Variants in DCTN4 observed in about 807,000 individuals in gnomAD.
DCTN4 encodes dynactin 4 (p62).
DCTN4 carries 23 observed loss-of-function variants against 62.7 expected under a neutral mutation model. The ratio of observed to expected loss-of-function variants is 0.37; its 90% CI spans 0.26 to 0.52. The LOEUF (loss-of-function observed/expected upper bound fraction) is 0.52. DCTN4 is among the 20% of genes least tolerant of loss of function. The pLI, the probability that DCTN4 is intolerant of heterozygous loss-of-function variation, is 0.92. For missense variants in DCTN4, 514 were observed against 580.4 expected, an observed-to-expected ratio of 0.89 and a Z score of 1.18; for synonymous variants, 199 against 202.1, an observed-to-expected ratio of 0.98 and a Z score of 0.13.
intron 4 of DCTN4, among the ~76,000 whole-genome samples, chr5:150,741,752 G>A (rs1760778340): frequency 6.6e-6 from 1 of 152,210 alleles, no homozygotes; most frequent in South Asian, 2.1e-4. Context: ...AAAGTATTGG[G>A]ATTACAGGCA....
chr5:150,715,548 AC>A lies in DCTN4; in HGVS notation c.1169+16del. 6.2e-7 allele frequency: 1 copy of A among 1,608,524 alleles called. No homozygotes were observed. Among genetic ancestry groups the A allele is most frequent in the Non-Finnish European group, 8.5e-7 (1 of 1,174,998 alleles). ...ATCAGCCATTTGTTGTATGGGGATC[AC>A]AAAAAGATCACTCACTCAGGATCGT... On this transcript the variant is annotated intron_variant, in intron 12 of 12. Transcript: ENST00000447998.
chr5:150,754,608 A>C (rs1165807773), intron 2 of DCTN4, among the ~76,000 whole-genome samples: 1 of 152,194 alleles, frequency 6.6e-6, no homozygotes, highest in Admixed American at 6.5e-5. Flanking sequence ...TTGGTTTCTA[A>C]GACTATTCTC....
intron 4 of DCTN4, among the ~76,000 whole-genome samples, chr5:150,736,741 T>C (rs966082996): frequency 1.3e-5 from 2 of 151,526 alleles, no homozygotes; most frequent in Non-Finnish European, 2.9e-5. Flanking sequence ...ACTAGCACAA[T>C]GAATAGAATA....
chr5:150,723,085 T>C, intron 8 of DCTN4, 105 bp from the exon 9 acceptor site: 1 of 805,656 alleles, frequency 1.2e-6, no homozygotes, highest in East Asian at 2.7e-5. Context: ...AATTTTGTTT[T>C]GTTTTGTTCT....
chr5:150,731,512 T>C (rs1760369148), intron 5 of DCTN4, 23 bp from the exon 6 acceptor site: 2 of 1,600,122 alleles, frequency 1.2e-6, no homozygotes, highest in South Asian at 1.1e-5. Context: ...CAGAAATTCC[T>C]ATTAGAAAGT....
At chr5:150,746,751 A>G (rs1561707450) in intron 3 of DCTN4, among the ~76,000 whole-genome samples, 1 of 152,240 alleles carries the variant, frequency 6.6e-6, no homozygotes, top group African/African-American at 2.4e-5. Context: ...CTTCATGCTA[A>G]AAACTCTCAA....
chr5:150,722,806 T>A (rs989530928), intron 9 of DCTN4, 101 bp downstream of exon 9: 15 of 761,070 alleles, frequency 2.0e-5, no homozygotes, highest in Non-Finnish European at 4.2e-6. Flanking sequence ...TGTAATTTTT[T>A]TTTTTTTAGG....
chr5:150,738,181 A>G (rs1760647091), intron 4 of DCTN4, among the ~76,000 whole-genome samples: 1 of 152,226 alleles, frequency 6.6e-6, no homozygotes, highest in African/African-American at 2.4e-5. Context: ...GCTGATTTCT[A>G]TCAGACATTC....
chr5:150,746,388 A>G (rs1164209263), intron 3 of DCTN4, among the ~76,000 whole-genome samples: 1 of 152,206 alleles, frequency 6.6e-6, no homozygotes, highest in African/African-American at 2.4e-5. Context: ...ATTCCTTCTG[A>G]AACTATTCCA....
chr5:150,743,568 C>A (rs952764008), intron 3 of DCTN4, among the ~76,000 whole-genome samples: 3 of 152,290 alleles, frequency 2.0e-5, no homozygotes, highest in Admixed American at 6.5e-5. Context: ...GGCAGACTGA[C>A]ACCTCACACG....
At chr5:150,723,473 C>T (rs1760026842) in intron 8 of DCTN4, among the ~76,000 whole-genome samples, 2 of 152,110 alleles carry the variant, frequency 1.3e-5, no homozygotes, top group Non-Finnish European at 2.9e-5. Flanking sequence ...AGTACAGTAA[C>T]AATGATTACT....
chr5:150,744,166 G>T (rs1031288738), intron 3 of DCTN4, among the ~76,000 whole-genome samples: 1 of 152,132 alleles, frequency 6.6e-6, no homozygotes, highest in Non-Finnish European at 1.5e-5. Flanking sequence ...GAGTCGATGC[G>T]ATCAACTGGA....
chr5:150,733,707 A>C, intron 4 of DCTN4: 2 of 403,882 alleles, frequency 5.0e-6, no homozygotes. Context: ...GAGGCTTGGA[A>C]ATTTTTTGCT....
rs1332137600 is a variant in DCTN4, at chr5:150,708,565, G to A, written c.*2584C>T. The A allele has an allele frequency of 6.6e-6, 1 of 152,620 alleles. No homozygotes were observed. The highest frequency in any genetic ancestry group is 6.5e-5 in the Admixed American group (1 of 15,288). 9.5% of individuals were successfully genotyped at this position (152,620 alleles called of 1,614,324 possible). A position where few individuals can be genotyped will look rare whatever the true frequency, so the allele number is the denominator to read the frequency against. On this transcript the variant is annotated 3_prime_UTR_variant, in exon 13 of 13. Transcript: ENST00000447998. The stretch of plus-strand genomic sequence containing the variant: ...TGAATATGTATATAAGAAGCTCAAA[G>A]CAACATCTACTTATATATTATGGTG...
At chr5:150,749,677 AT>A in intron 3 of DCTN4, among the ~76,000 whole-genome samples, 1 of 151,906 alleles carries the variant, frequency 6.6e-6, no homozygotes, top group East Asian at 1.9e-4. Context: ...AAAAATAAAA[AT>A]AGTTTGGCAG....
At chr5:150,726,570 T>G (rs1760152867) in intron 8 of DCTN4, among the ~76,000 whole-genome samples, 1 of 152,232 alleles carries the variant, frequency 6.6e-6, no homozygotes, top group Non-Finnish European at 1.5e-5. Context: ...TTTAATAGTA[T>G]CAGCTGGCAC....
At chr5:150,718,154 G>T (rs1759833284) in intron 11 of DCTN4, 122 bp downstream of exon 11, 2 of 603,130 alleles carry the variant, frequency 3.3e-6, no homozygotes, top group Non-Finnish European at 5.8e-6. Context: ...TTAGGAGGTG[G>T]AATCAAAAGA....
intron 3 of DCTN4, among the ~76,000 whole-genome samples, chr5:150,746,571 A>T (rs1394054949): frequency 6.6e-6 from 1 of 152,238 alleles, no homozygotes; most frequent in Non-Finnish European, 1.5e-5. Flanking sequence ...GCAGCAGCAC[A>T]TCAAAAAGCT....
intron 8 of DCTN4, among the ~76,000 whole-genome samples, chr5:150,723,846 T>C (rs1369052517): frequency 6.6e-6 from 1 of 152,198 alleles, no homozygotes; most frequent in African/African-American, 2.4e-5. Flanking sequence ...ATATTTATTC[T>C]CTTGCTTTTT....
Sources: allele counts gnomAD v4.1 joint callset (sites outside exome capture counted in the v4.1 genomes callset), GRCh38; gene constraint gnomAD v4.1.1; transcripts MANE v1.5; gene names NCBI Gene and HGNC (gene_info 2026-07-23, HGNC 2026-07-21).